The following NXPE2 variants were observed in gnomAD, a reference collection of about 807,000 sequenced individuals.
NXPE2 encodes the protein neurexophilin and PC-esterase domain family member 2.
NXPE2 carries 34 observed loss-of-function variants against 34.4 expected under a neutral mutation model. The observed-to-expected ratio is 0.99, with a 90% confidence interval of 0.75 to 1.31. The LOEUF (loss-of-function observed/expected upper bound fraction) is 1.31. NXPE2 is among the 40% of genes most tolerant of loss of function. The pLI, the probability that NXPE2 is intolerant of heterozygous loss-of-function variation, is 0.00. For missense variants in NXPE2, 649 were observed against 672.5 expected (o/e 0.97, Z 0.39); for synonymous variants, 235 against 231.3 (o/e 1.02, Z -0.15).
chr11:114,560,586 A>C, the NXPE2 span, among the ~76,000 whole-genome samples: 12 of 152,236 alleles, frequency 7.9e-5, no homozygotes, highest in East Asian at 2.3e-3. Flanking sequence ...ATCGGTTTGA[A>C]AAGGATATCT....
chr11:114,566,808 T>A, the NXPE2 span, among the ~76,000 whole-genome samples: 1 of 152,198 alleles, frequency 6.6e-6, no homozygotes, highest in South Asian at 2.1e-4. Flanking sequence ...GTTTTCTTTT[T>A]TAAGATGCAA....
the NXPE2 span, among the ~76,000 whole-genome samples, chr11:114,626,018 G>C: frequency 6.6e-6 from 1 of 152,242 alleles, no homozygotes; most frequent in African/African-American, 2.4e-5. Context: ...TTGGCTCAAA[G>C]GGTCCTACGC....
At chr11:114,769,113 G>GA in the NXPE2 span, among the ~76,000 whole-genome samples, 20 of 145,048 alleles carry the variant, frequency 1.4e-4, no homozygotes, top group Admixed American at 4.8e-4. Context: ...AAATTTGCAA[G>GA]AAAAAAAAAC....
the NXPE2 span, chr11:114,582,504 G>A: frequency 3.3e-4 from 528 of 1,614,160 alleles, 2 homozygotes; most frequent in African/African-American, 6.1e-3. Context: ...AAACTGGCCA[G>A]TGAAGATCAC....
At chr11:114,573,004 C>G in the NXPE2 span, among the ~76,000 whole-genome samples, 1 of 152,298 alleles carries the variant, frequency 6.6e-6, no homozygotes, top group African/African-American at 2.4e-5. Context: ...ATCAGATTAA[C>G]AGCTGATTTC....
At chr11:114,688,482 T>G (rs776255783) in intron 2 of NXPE2, among the ~76,000 whole-genome samples, 2 of 152,110 alleles carry the variant, frequency 1.3e-5, no homozygotes, top group Non-Finnish European at 2.9e-5. Flanking sequence ...CTGAATTCAG[T>G]TTGCTAGTAT....
chr11:114,624,604 T>C, the NXPE2 span, among the ~76,000 whole-genome samples: 2 of 151,610 alleles, frequency 1.3e-5, no homozygotes, highest in African/African-American at 2.4e-5. Context: ...ATTATAAGTA[T>C]TGCCTCATGG....
the NXPE2 span, among the ~76,000 whole-genome samples, chr11:114,631,676 T>A: frequency 2.6e-5 from 4 of 152,032 alleles, no homozygotes; most frequent in African/African-American, 9.6e-5. Flanking sequence ...AGTATATATA[T>A]AAAAAAAGTA....
At chr11:114,469,500 T>G in the NXPE2 span, among the ~76,000 whole-genome samples, 1 of 151,750 alleles carries the variant, frequency 6.6e-6, no homozygotes, top group African/African-American at 2.4e-5. Context: ...ATTTCATACT[T>G]TTTTTTTGAG....
chr11:114,544,246 T>C, the NXPE2 span, among the ~76,000 whole-genome samples: 3 of 152,090 alleles, frequency 2.0e-5, no homozygotes, highest in African/African-American at 7.2e-5. Context: ...AAATTTTATA[T>C]GGAAAGGTAA....
chr11:114,492,975 T>G, the NXPE2 span, among the ~76,000 whole-genome samples: 1 of 152,238 alleles, frequency 6.6e-6, no homozygotes, highest in Admixed American at 6.5e-5. Context: ...TTTACATATC[T>G]GGGTGCTCCA....
chr11:114,709,845 T>A (rs566754803), downstream of NXPE2, among the ~76,000 whole-genome samples: 29 of 151,210 alleles, frequency 1.9e-4, no homozygotes, highest in Admixed American at 7.3e-4. Flanking sequence ...GAGGTTGCAG[T>A]GAGCCAAGAT....
chr11:114,676,562 TTACCTCA>T (rs1950860145), upstream of NXPE2, among the ~76,000 whole-genome samples: 2 of 151,946 alleles, frequency 1.3e-5, no homozygotes, highest in Non-Finnish European at 1.5e-5. Flanking sequence ...CAATGAGAGA[TTACCTCA>T]TACCTGTTAG....
the NXPE2 span, among the ~76,000 whole-genome samples, chr11:114,499,978 A>T: frequency 6.6e-6 from 1 of 151,326 alleles, no homozygotes; most frequent in African/African-American, 2.4e-5. Context: ...ATTGCTGAGT[A>T]GCATTCCATG....
At chr11:114,699,709 A>G (rs1433639005) in intron 3 of NXPE2, among the ~76,000 whole-genome samples, 1 of 151,924 alleles carries the variant, frequency 6.6e-6, no homozygotes, top group Non-Finnish European at 1.5e-5. Context: ...TTATTACATT[A>G]TTAATTTTCC....
chr11:114,470,370 A>T, the NXPE2 span, among the ~76,000 whole-genome samples: 1 of 152,128 alleles, frequency 6.6e-6, no homozygotes. Flanking sequence ...ATGCTTACTC[A>T]TTAGGATTTT....
At chr11:114,680,907 A>G (rs985910184) in intron 2 of NXPE2, among the ~76,000 whole-genome samples, 3 of 152,138 alleles carry the variant, frequency 2.0e-5, no homozygotes. Flanking sequence ...CAAAAAACAC[A>G]CACACCAAAT....
At chr11:114,571,511 T>C in the NXPE2 span, 9 of 1,524,744 alleles carry the variant, frequency 5.9e-6, no homozygotes, top group Non-Finnish European at 7.1e-6. Flanking sequence ...AAAAGGAGGA[T>C]ATAGTTACCA....
At chr11:114,800,787 G>T in the NXPE2 span, among the ~76,000 whole-genome samples, 4 of 125,854 alleles carry the variant, frequency 3.2e-5, no homozygotes, top group East Asian at 8.6e-4. Context: ...AGAAGATAAA[G>T]ATACCCACCT....
Sources: gnomAD v4.1 joint callset for allele counts (sites outside exome capture counted in the v4.1 genomes callset) on GRCh38, gnomAD v4.1.1 for gene constraint, MANE v1.5 for transcripts, NCBI Gene and HGNC (gene_info 2026-07-23, HGNC 2026-07-21) for gene names.